Variants in TMPRSS11F observed in about 807,000 individuals in gnomAD.
TMPRSS11F encodes transmembrane protease serine 11F.
Under a neutral mutation model 60.2 loss-of-function variants are expected in TMPRSS11F, and 47 were observed. The observed-to-expected ratio is 0.78, with a 90% CI of 0.62 to 1.00. TMPRSS11F has a LOEUF of 1.00. TMPRSS11F is among the 50% of genes least tolerant of loss of function. The pLI is 0.00. For missense variants in TMPRSS11F, 519 were observed against 522.9 expected, an observed-to-expected ratio of 0.99 and a Z score of 0.07; for synonymous variants, 166 against 167.3, an observed-to-expected ratio of 0.99 and a Z score of 0.06.
At chr4:68,107,413 CA>C (rs1002202327) in intron 1 of TMPRSS11F, among the ~76,000 whole-genome samples, 70 of 152,198 alleles carry the variant, frequency 4.6e-4, no homozygotes, top group Admixed American at 3.9e-3. Context: ...TTAAGGTGAT[CA>C]GGGGAGATCA....
At chr4:68,074,081 G>A (rs1723536625) in intron 3 of TMPRSS11F, 72 bp from the exon 4 acceptor site, 1 of 942,410 alleles carries the variant, frequency 1.1e-6, no homozygotes, top group Non-Finnish European at 1.5e-6. Context: ...TTTAAAAGAA[G>A]TATTAGTCTT....
intron 3 of TMPRSS11F, among the ~76,000 whole-genome samples, chr4:68,087,667 C>CA (rs1481486900): frequency 7.9e-5 from 12 of 151,538 alleles, no homozygotes; most frequent in Non-Finnish European, 1.8e-4. Context: ...TTTCAGGATA[C>CA]AAAAAATCAA....
intron 5 of TMPRSS11F, among the ~76,000 whole-genome samples, chr4:68,070,668 C>T (rs1396237740): frequency 2.0e-5 from 3 of 152,190 alleles, no homozygotes; most frequent in Non-Finnish European, 1.5e-5. Context: ...TTATGTTTCC[C>T]TTCTGTGACA....
chr4:68,064,116 CCTGA>C (rs1245000110), intron 8 of TMPRSS11F, among the ~76,000 whole-genome samples: 1 of 150,342 alleles, frequency 6.7e-6, no homozygotes, highest in Non-Finnish European at 1.5e-5. Context: ...AGTCTCTCTC[CCTGA>C]CTTTTTTTTT....
intron 9 of TMPRSS11F, 125 bp downstream of exon 9, chr4:68,059,201 A>ATT (rs1234216286): frequency 2.1e-6 from 2 of 954,532 alleles, no homozygotes; most frequent in East Asian, 5.2e-5. Flanking sequence ...TATGATTATT[A>ATT]AATAAAGTCA....
chr4:68,126,640 T>C (rs776950037), intron 1 of TMPRSS11F, among the ~76,000 whole-genome samples: 1 of 152,206 alleles, frequency 6.6e-6, no homozygotes, highest in Non-Finnish European at 1.5e-5. Flanking sequence ...CATAAGTCAA[T>C]GTACAAATGT....
chr4:68,072,250 T>TATA (rs537020566), intron 5 of TMPRSS11F, 73 bp downstream of exon 5: 27 of 224,062 alleles, frequency 1.2e-4, no homozygotes, highest in Non-Finnish European at 1.7e-4. Context: ...TATATATATA[T>TATA]TGCTTACAAA....
At chr4:68,118,169 C>T (rs1340498514) in intron 1 of TMPRSS11F, among the ~76,000 whole-genome samples, 1 of 152,078 alleles carries the variant, frequency 6.6e-6, no homozygotes, top group African/African-American at 2.4e-5. Context: ...GAGAACAGCC[C>T]AGCTTTTGAT....
At chr4:68,091,783 C>CTATCTATCTATCTATA (rs1450523589) in intron 2 of TMPRSS11F, among the ~76,000 whole-genome samples, 20 of 54,572 alleles carry the variant, frequency 3.7e-4, no homozygotes, top group African/African-American at 1.3e-3. Flanking sequence ...CTCTCTCTCT[C>CTATCTATCTATCTATA]TATCTATCTA....
rs180937903 is a variant in TMPRSS11F at position 68,073,887 on chromosome 4, T to A, written c.350+55A>T. 11 of 1,149,474 alleles carry A rather than the reference T, an allele frequency of 9.6e-6. 1 individual carries two copies. The Admixed American group carries it at 1.8e-4, about 19-fold the overall frequency. The allele number at this position is 1,149,474 out of a possible 1,614,324, so 71.2% of individuals were successfully genotyped here. A position where few individuals can be genotyped will look rare whatever the true frequency, so the allele number is the denominator to read the frequency against. ...CAGGGCAGCTAAGCAATTAGGTTCA[T>A]CAAATACCTCATCTTAACAGTATTA... On this transcript the variant is annotated intron_variant, in intron 4 of 9. Coordinates refer to ENST00000356291, the MANE Select transcript of TMPRSS11F (RefSeq NM_207407.2).
chr4:68,091,199 TTTTG>T (rs1225497502), intron 2 of TMPRSS11F, among the ~76,000 whole-genome samples: 2 of 152,150 alleles, frequency 1.3e-5, no homozygotes, highest in Admixed American at 6.6e-5. Context: ...TCTTTCATGG[TTTTG>T]TTTGTTTGTT....
At chr4:68,107,227 C>G (rs1724320636) in intron 1 of TMPRSS11F, among the ~76,000 whole-genome samples, 1 of 152,120 alleles carries the variant, frequency 6.6e-6, no homozygotes, top group South Asian at 2.1e-4. Context: ...TGGACATCTA[C>G]TATGTTCCAG....
At chr4:68,080,336 C>T (rs1723665632) in intron 3 of TMPRSS11F, 1 of 152,188 alleles carries the variant, frequency 6.6e-6, no homozygotes, top group East Asian at 1.9e-4. Context: ...ATTTAAGAAG[C>T]TGAAATTACT....
At chr4:68,099,879 A>C (rs1242361303) in intron 1 of TMPRSS11F, among the ~76,000 whole-genome samples, 1 of 152,174 alleles carries the variant, frequency 6.6e-6, no homozygotes, top group Non-Finnish European at 1.5e-5. Context: ...ACACTTTAAA[A>C]GGGGAAACAG....
chr4:68,074,763 G>C (rs921174622), intron 3 of TMPRSS11F, among the ~76,000 whole-genome samples: 1 of 152,168 alleles, frequency 6.6e-6, no homozygotes, highest in Admixed American at 6.5e-5. Flanking sequence ...AAAGGGTTCT[G>C]ATTCCAGCTG....
In TMPRSS11F at chr4:68,112,851, G is replaced by A. The variant is rs13107461; in HGVS notation, c.12-13813C>T. On this transcript the variant is annotated intron_variant, in intron 1 of 9. Coordinates refer to ENST00000356291, the MANE Select transcript of TMPRSS11F (RefSeq NM_207407.2). ...TCTCTTAGTTTATAATTTCCTAAAG[G>A]GCAGAATCTATAGCATTCTTCTCTA... Among the ~76,000 whole-genome samples, 1,229 of 151,904 alleles carry A rather than the reference G, an allele frequency of 8.1e-3. 6 individuals are homozygous for A. Among genetic ancestry groups the A allele is most frequent in the Non-Finnish European group, 0.014 (948 of 67,950 alleles).
At chr4:68,128,233 T>C (rs1724752496) in intron 1 of TMPRSS11F, among the ~76,000 whole-genome samples, 1 of 152,160 alleles carries the variant, frequency 6.6e-6, no homozygotes, top group African/African-American at 2.4e-5. Context: ...ACAAGATATA[T>C]TTTTTGACAG....
chr4:68,059,189 G>T lies in TMPRSS11F; in HGVS notation c.1158+137C>A, dbSNP rs1342941382. On this transcript the variant is annotated intron_variant, in intron 9 of 9. Transcript: ENST00000356291. ...AACACTCAATACAATTATTGTTATT[G>T]TTATGATTATTAAATAAAGTCAGTT... 21 of 877,122 alleles carry T rather than the reference G, an allele frequency of 2.4e-5. No homozygotes were observed. In the East Asian group the frequency reaches 3.5e-4, roughly 14 times the overall value. The allele number at this position is 877,122 out of a possible 1,614,324, so 54.3% of individuals were successfully genotyped here. A position where few individuals can be genotyped will look rare whatever the true frequency, so the allele number is the denominator to read the frequency against.
rs10030708 is a variant in TMPRSS11F at position 68,129,811 on chromosome 4, C to G, written c.10G>C (p.Ala4Pro). The G allele has an allele frequency of 6.2e-7, 1 of 1,612,280 alleles. No homozygotes were observed. The highest frequency in any genetic ancestry group is 8.5e-7 in the Non-Finnish European group (1 of 1,178,798). The part of the protein sequence containing the change: MMY[A>P]PVEFSEAEFS... ...TACTGAGAAAAGCTGAATACTTACG[C>G]GTACATCATGAACCCAGGACTGGGG... Residue 4 changes from alanine to proline, a missense_variant and splice_region_variant, in exon 1 of 10, where the codon GCA becomes CCA. By Grantham distance (27) the Ala-to-Pro change is conservative. Coordinates refer to ENST00000356291, the MANE Select transcript of TMPRSS11F (RefSeq NM_207407.2).
Sources: gnomAD v4.1 joint callset for allele counts (sites outside exome capture counted in the v4.1 genomes callset) on GRCh38, gnomAD v4.1.1 for gene constraint, MANE v1.5 for transcripts, NCBI Gene and HGNC (gene_info 2026-07-23, HGNC 2026-07-21) for gene names.